The following MARCHF3 variants were observed in gnomAD, a reference collection of about 807,000 sequenced individuals.
MARCHF3 encodes E3 ubiquitin-protein ligase MARCHF3.
A neutral mutation model predicts 24.2 loss-of-function variants in MARCHF3; 13 were observed. That is an observed-to-expected ratio of 0.54 (90% confidence interval 0.35 to 0.85). MARCHF3 has a LOEUF of 0.85. MARCHF3 is among the 40% of genes least tolerant of loss of function. The probability of loss-of-function intolerance (pLI) is 0.01; values close to 1 mark genes in which losing one functional copy is unlikely to be tolerated. For synonymous variants in MARCHF3, 144 were observed against 137.3 expected, an observed-to-expected ratio of 1.05 and a Z score of -0.34; for missense variants, 276 against 325.0, an observed-to-expected ratio of 0.85 and a Z score of 1.16.
Position 126,868,745 on chromosome 5 carries a change from A to G in MARCHF3, c.*1888T>C, listed in dbSNP as rs1752850915. The G allele has an allele frequency of 6.6e-6, 1 of 152,210 alleles. No homozygotes were observed. The highest frequency in any genetic ancestry group is 2.1e-4 in the South Asian group (1 of 4,832). The allele number at this position is 152,210 out of a possible 1,614,324, so 9.4% of individuals were successfully genotyped here. ...CAGCTCAGGGACTAAGGCTGGGTGG[A>G]CGTCATTTATTAAGTATATTACAGG... On this transcript the variant is annotated 3_prime_UTR_variant, in exon 5 of 5. Transcript: ENST00000308660.
intron 3 of MARCHF3, among the ~76,000 whole-genome samples, chr5:126,903,030 G>A (rs572870650): frequency 6.6e-6 from 1 of 152,170 alleles, no homozygotes; most frequent in South Asian, 2.1e-4. Context: ...GTCTTTTAGA[G>A]GTTCATTTAC....
At chr5:126,958,429 GCTTTTT>G (rs901807315) in intron 1 of MARCHF3, among the ~76,000 whole-genome samples, 32 of 152,178 alleles carry the variant, frequency 2.1e-4, no homozygotes, top group African/African-American at 7.7e-4. Flanking sequence ...TTGAATTAAA[GCTTTTT>G]CTTTACAGAG....
chr5:126,893,571 T>C (rs996249704), intron 3 of MARCHF3, among the ~76,000 whole-genome samples: 1 of 151,548 alleles, frequency 6.6e-6, no homozygotes, highest in Admixed American at 6.6e-5. Context: ...CAGGAGCAGG[T>C]TGTTCAGTTT....
intron 4 of MARCHF3, among the ~76,000 whole-genome samples, chr5:126,871,555 C>T (rs770271668): frequency 6.6e-6 from 1 of 152,236 alleles, no homozygotes; most frequent in African/African-American, 2.4e-5. Context: ...ATCTTGAGAG[C>T]AGGCGTTGTG....
chr5:127,013,513 C>A (rs1000817981), intron 1 of MARCHF3, among the ~76,000 whole-genome samples: 1 of 152,100 alleles, frequency 6.6e-6, no homozygotes, highest in African/African-American at 2.4e-5. Context: ...CTGATGAGTT[C>A]TCACAATTAT....
chr5:126,921,677 T>C (rs1440010066), intron 1 of MARCHF3, among the ~76,000 whole-genome samples: 2 of 152,242 alleles, frequency 1.3e-5, no homozygotes, highest in Non-Finnish European at 2.9e-5. Flanking sequence ...TGTGGTAAAG[T>C]ACTTCCCAGT....
intron 3 of MARCHF3, among the ~76,000 whole-genome samples, chr5:126,910,822 C>G (rs1355524469): frequency 6.6e-6 from 1 of 152,232 alleles, no homozygotes; most frequent in Non-Finnish European, 1.5e-5. Flanking sequence ...ACCTTAAACT[C>G]TGACTGCTGG....
Position 126,868,495 on chromosome 5 carries a change from C to G in MARCHF3, c.*2138G>C, listed in dbSNP as rs1166753660. On this transcript the variant is annotated 3_prime_UTR_variant, in exon 5 of 5. Transcript: ENST00000308660. ...CACAGTTTTAATGTGCAAACCCTTC[C>G]TAATGCAGGATCCCCATTGAACGGC... 6.6e-6 allele frequency: 1 copy of G among 152,208 alleles called. No homozygotes were observed. Among genetic ancestry groups the G allele is most frequent in the Non-Finnish European group, 1.5e-5 (1 of 68,046 alleles). 9.4% of individuals were successfully genotyped at this position (152,208 alleles called of 1,614,324 possible).
intron 4 of MARCHF3, among the ~76,000 whole-genome samples, chr5:126,877,569 C>A (rs764752768): frequency 3.9e-5 from 6 of 152,182 alleles, no homozygotes; most frequent in Non-Finnish European, 7.3e-5. Flanking sequence ...TTCTTCCTCA[C>A]ACACAGCGAG....
At chr5:126,941,224 A>G (rs1434965246) in intron 1 of MARCHF3, among the ~76,000 whole-genome samples, 1 of 152,230 alleles carries the variant, frequency 6.6e-6, no homozygotes, top group African/African-American at 2.4e-5. Context: ...AATTTGGTAG[A>G]AGAATGACAA....
rs899661730 is a variant in MARCHF3 at position 126,873,734 on chromosome 5, T to C, written c.604-2943A>G. Among the ~76,000 whole-genome samples the C allele has an allele frequency of 1.3e-5, 2 of 152,248 alleles. 1 individual carries two copies. Among genetic ancestry groups the C allele is most frequent in the South Asian group, 4.1e-4 (2 of 4,834 alleles). ...CAAACAGATGAGATCTTATTATACA[T>C]TAATCTATTTTAATTGTGGTTAATC... On this transcript the variant is annotated intron_variant, in intron 4 of 4. Transcript: ENST00000308660.
intron 1 of MARCHF3, among the ~76,000 whole-genome samples, chr5:127,019,932 C>T (rs1415994952): frequency 6.6e-6 from 1 of 152,214 alleles, no homozygotes; most frequent in Non-Finnish European, 1.5e-5. Context: ...GACTCTGATT[C>T]TAGCCCAGTG....
intron 1 of MARCHF3, among the ~76,000 whole-genome samples, chr5:126,939,803 T>C (rs1749769276): frequency 6.6e-6 from 1 of 152,170 alleles, no homozygotes; most frequent in African/African-American, 2.4e-5. Context: ...TACCAATCAA[T>C]ACATAACCTT....
chr5:126,924,350 C>T (rs1749224740), intron 1 of MARCHF3, among the ~76,000 whole-genome samples: 1 of 152,128 alleles, frequency 6.6e-6, no homozygotes, highest in Admixed American at 6.6e-5. Flanking sequence ...GTGGGGAGCA[C>T]AGCCTTCTCT....
intron 3 of MARCHF3, among the ~76,000 whole-genome samples, chr5:126,890,979 T>C (rs1753667685): frequency 1.3e-5 from 2 of 150,754 alleles, no homozygotes; most frequent in Admixed American, 1.3e-4. Context: ...TGATCGCCAT[T>C]CTAACTGGTG....
intron 3 of MARCHF3, among the ~76,000 whole-genome samples, chr5:126,881,988 G>C (rs1178833168): frequency 2.0e-5 from 3 of 152,146 alleles, no homozygotes; most frequent in African/African-American, 7.2e-5. Context: ...CAGGCTCAGT[G>C]CTACAGCTTG....
chr5:126,870,829 A>G (rs200556768), intron 4 of MARCHF3, 38 bp from the exon 5 acceptor site: 111 of 1,610,696 alleles, frequency 6.9e-5, no homozygotes, highest in Non-Finnish European at 9.3e-5. Context: ...AAAAGAATTC[A>G]GGTCAGCAGA....
At chr5:126,962,096 T>C (rs540502972) in intron 1 of MARCHF3, among the ~76,000 whole-genome samples, 2 of 152,302 alleles carry the variant, frequency 1.3e-5, no homozygotes, top group African/African-American at 2.4e-5. Context: ...GGAAGCATCA[T>C]GTGAAGAAAC....
At chr5:126,910,371 A>G (rs945266477) in intron 3 of MARCHF3, among the ~76,000 whole-genome samples, 23 of 152,226 alleles carry the variant, frequency 1.5e-4, no homozygotes, top group African/African-American at 5.5e-4. Context: ...TCAACCAGAA[A>G]TGCATTAATG....
Sources: gnomAD v4.1 joint callset for allele counts (sites outside exome capture counted in the v4.1 genomes callset) on GRCh38, gnomAD v4.1.1 for gene constraint, MANE v1.5 for transcripts, NCBI Gene and HGNC (gene_info 2026-07-23, HGNC 2026-07-21) for gene names.